Variants in HKDC1 observed in about 807,000 individuals in gnomAD.
The protein encoded by HKDC1 is hexokinase HKDC1.
A neutral mutation model predicts 96.6 loss-of-function variants in HKDC1; 66 were observed. That is an observed-to-expected ratio of 0.68 (90% confidence interval 0.56 to 0.84). The LOEUF is 0.84. Ranked by LOEUF, HKDC1 falls within the 40% of genes least tolerant of loss-of-function variation. The probability of loss-of-function intolerance (pLI) is 0.00; values close to 1 mark genes in which losing one functional copy is unlikely to be tolerated. For synonymous variants in HKDC1, 466 were observed against 473.1 expected (o/e 0.98, Z 0.20); for missense variants, 1,211 against 1,208.1 (o/e 1.00, Z -0.04).
At chr10:69,251,880 C>T (rs1224648127) in intron 12 of HKDC1, among the ~76,000 whole-genome samples, 4 of 151,728 alleles carry the variant, frequency 2.6e-5, no homozygotes, top group Non-Finnish European at 5.9e-5. Context: ...CTGCCTCAGT[C>T]TCCCGAGTAG....
chr10:69,228,164 C>A (rs1226238878), intron 2 of HKDC1, among the ~76,000 whole-genome samples: 2 of 152,142 alleles, frequency 1.3e-5, no homozygotes, highest in African/African-American at 4.8e-5. Flanking sequence ...GAATCTGTTT[C>A]CTTAACTTTT....
intron 2 of HKDC1, among the ~76,000 whole-genome samples, chr10:69,229,633 C>T (rs1231210389): frequency 1.3e-5 from 2 of 152,166 alleles, no homozygotes; most frequent in Non-Finnish European, 2.9e-5. Flanking sequence ...GGTCTGGAGG[C>T]TCTGGGACAG....
In HKDC1 at chr10:69,266,694, A is replaced by C; in HGVS notation, c.2691A>C (p.Gly897=). 1 of 1,614,170 alleles carries C rather than the reference A, an allele frequency of 6.2e-7. No individual in the cohort carries two copies. The highest frequency in any genetic ancestry group is 8.5e-7 in the Non-Finnish European group (1 of 1,180,004). The change falls in exon 18 of 18, where the codon GGA becomes GGC. Residue 897 remains glycine (G), a synonymous_variant. Transcript: ENST00000354624. The part of the protein sequence containing the change: ...VTFMLSEDGS[G]KGAALITAVA... ...TCATGCTGTCAGAAGATGGCAGTGG[A>C]AAAGGGGCAGCACTGATCACTGCTG...
At chr10:69,233,474 G>A (rs1160802613) in intron 4 of HKDC1, among the ~76,000 whole-genome samples, 2 of 152,116 alleles carry the variant, frequency 1.3e-5, no homozygotes, top group Admixed American at 1.3e-4. Context: ...TCGCCTCCCT[G>A]ACAGGTTCCT....
chr10:69,236,019 C>A (rs181188396), intron 4 of HKDC1, among the ~76,000 whole-genome samples: 84 of 152,252 alleles, frequency 5.5e-4, no homozygotes, highest in Admixed American at 2.5e-3. Flanking sequence ...CCAAGAGTAG[C>A]CCACCCCAAG....
intron 3 of HKDC1, 38 bp downstream of exon 3, chr10:69,232,950 G>C: frequency 6.2e-7 from 1 of 1,612,088 alleles, no homozygotes; most frequent in East Asian, 2.2e-5. Flanking sequence ...CAGGGAAGGC[G>C]GTGGCATCCG....
At chr10:69,235,247 C>T (rs1019665874) in intron 4 of HKDC1, among the ~76,000 whole-genome samples, 4 of 152,080 alleles carry the variant, frequency 2.6e-5, no homozygotes, top group East Asian at 1.9e-4. Context: ...CATGGTGAAA[C>T]CCCATCTCTA....
chr10:69,224,973 C>T (rs1486447571), intron 1 of HKDC1, among the ~76,000 whole-genome samples: 1 of 152,128 alleles, frequency 6.6e-6, no homozygotes, highest in Non-Finnish European at 1.5e-5. Flanking sequence ...GCTTTTTGTC[C>T]CAACATATGT....
chr10:69,247,268 T>G, intron 8 of HKDC1, 92 bp from the exon 9 acceptor site: 2 of 832,218 alleles, frequency 2.4e-6, no homozygotes, highest in Non-Finnish European at 4.0e-6. Context: ...CTATTAATTT[T>G]CACAATCCTG....
rs1212720749 is a variant in HKDC1, at chr10:69,233,146, G to C, written c.495+13G>C. 8.7e-6 allele frequency: 14 copies of C among 1,613,384 alleles called. No individual in the cohort carries two copies. Among genetic ancestry groups the C allele is most frequent in the Non-Finnish European group, 1.1e-5 (13 of 1,179,938 alleles). On this transcript the variant is annotated intron_variant, in intron 4 of 17. Transcript: ENST00000354624. ...TAAACTGGAAGAGGTAAGGCGCGGA[G>C]GGAAGCAGCAGTGCAGGAATTGGGG...
In HKDC1 at chr10:69,246,206, G is replaced by A. The variant is rs767245818; in HGVS notation, c.1003G>A (p.Glu335Lys). 2 of 1,614,108 alleles carry A rather than the reference G, an allele frequency of 1.2e-6. No homozygotes were observed. Among genetic ancestry groups the A allele is most frequent in the Non-Finnish European group, 8.5e-7 (1 of 1,180,022 alleles). ...TGCTCTCCACACTAAGGGCAAGATC[G>A]AAACACGGCACGTGGCTGCCATGGA... ...SSALHTKGKI[E>K]TRHVAAMEKY... Residue 335 changes from glutamate to lysine, a missense_variant, in exon 8 of 18, where the codon GAA becomes AAA. Coordinates refer to ENST00000354624, the MANE Select transcript of HKDC1 (RefSeq NM_025130.4).
rs371158331 is a variant in HKDC1 at position 69,232,037 on chromosome 10, A to T, written c.227-727A>T. Among the ~76,000 whole-genome samples, 4 of 152,328 alleles carry T rather than the reference A, an allele frequency of 2.6e-5. No homozygotes were observed. In the South Asian group the frequency reaches 8.3e-4, roughly 32 times the overall value. Reference sequence around the variant, plus strand: ...TCTACAGACCAGCAACAGCAGCAACATCACCAAGTTGGCCAGGCTGTTCTT... The same window carrying T: ...TCTACAGACCAGCAACAGCAGCAACTTCACCAAGTTGGCCAGGCTGTTCTT... On this transcript the variant is annotated intron_variant, in intron 2 of 17. Coordinates refer to ENST00000354624, the MANE Select transcript of HKDC1 (RefSeq NM_025130.4).
At position 69,244,922 on chromosome 10, in the gene HKDC1, G is replaced by C. The variant is rs571349871; in HGVS notation, c.876-1157G>C. 3.8e-4 allele frequency among the ~76,000 whole-genome samples: 57 copies of C among 151,108 alleles called. 1 individual carries two copies. The South Asian group carries it at 5.4e-3, about 14-fold the overall frequency. On this transcript the variant is annotated intron_variant, in intron 7 of 17. Transcript: ENST00000354624. The stretch of plus-strand genomic sequence containing the variant: ...AATGCTCAAAGACTTTTTTTTTTGA[G>C]ATGGAGTCTCACTCTGTCGCCAAGG...
At chr10:69,238,835 A>G (rs1445130324) in intron 4 of HKDC1, among the ~76,000 whole-genome samples, 2 of 152,246 alleles carry the variant, frequency 1.3e-5, no homozygotes, top group African/African-American at 4.8e-5. Context: ...TCCTTCTGCT[A>G]CCATATATTT....
At chr10:69,225,178 A>G (rs1315221270) in intron 1 of HKDC1, among the ~76,000 whole-genome samples, 1 of 152,228 alleles carries the variant, frequency 6.6e-6, no homozygotes, top group Admixed American at 6.5e-5. Context: ...AACAGGACTT[A>G]CATGGCAGGG....
In HKDC1 at chr10:69,228,857, C is replaced by T. The variant is rs116910816; in HGVS notation, c.226+1488C>T. 2.5e-3 allele frequency among the ~76,000 whole-genome samples: 338 copies of T among 136,836 alleles called. 1 individual carries two copies. The highest frequency in any genetic ancestry group is 3.0e-3 in the Non-Finnish European group (200 of 65,734). The allele number at this position is 136,836 out of a possible 152,430, so 89.8% of individuals were successfully genotyped here. On this transcript the variant is annotated intron_variant, in intron 2 of 17. Transcript: ENST00000354624. ...CTCCAGCCTGGGTGACAGAGCGAGA[C>T]GCCATCAAAAAAGAAAGAAAGAAAG...
At chr10:69,264,205 GT>G (rs1843854396) in intron 16 of HKDC1, among the ~76,000 whole-genome samples, 3 of 66,966 alleles carry the variant, frequency 4.5e-5, no homozygotes, top group African/African-American at 1.8e-4. Context: ...TTCTGTGTGT[GT>G]GTGTGTGTGT....
chr10:69,240,611 C>A, intron 5 of HKDC1, 41 bp from the exon 6 acceptor site: 1 of 1,546,990 alleles, frequency 6.5e-7, no homozygotes, highest in Non-Finnish European at 8.9e-7. Context: ...GGAAACACCT[C>A]CTTCCCACCC....
chr10:69,264,322 T>C (rs1398600540), intron 16 of HKDC1, among the ~76,000 whole-genome samples: 1 of 151,906 alleles, frequency 6.6e-6, no homozygotes, highest in South Asian at 2.1e-4. Context: ...TAATCTATTT[T>C]TTCACTATGT....
Sources: allele counts gnomAD v4.1 joint callset (sites outside exome capture counted in the v4.1 genomes callset), GRCh38; gene constraint gnomAD v4.1.1; transcripts MANE v1.5; gene names NCBI Gene and HGNC (gene_info 2026-07-23, HGNC 2026-07-21).